ATXN7L1: variants seen among roughly 807,000 people sequenced by gnomAD.
ATXN7L1 encodes ataxin-7-like protein 1.
ATXN7L1 carries 15 observed loss-of-function variants against 70.8 expected under a neutral mutation model. That is an observed-to-expected ratio of 0.21 (90% CI 0.14 to 0.33). The LOEUF (loss-of-function observed/expected upper bound fraction) is 0.33. Ranked by LOEUF, ATXN7L1 falls within the 10% of genes least tolerant of loss-of-function variation. The pLI is 1.00. For missense variants in ATXN7L1, 975 were observed against 1,097.1 expected (o/e 0.89, Z 1.57); for synonymous variants, 440 against 445.1 (o/e 0.99, Z 0.14).
intron 3 of ATXN7L1, among the ~76,000 whole-genome samples, chr7:105,741,238 G>A (rs1040210147): frequency 2.0e-5 from 3 of 152,164 alleles, no homozygotes; most frequent in African/African-American, 7.2e-5. Context: ...AGCTCAGGGA[G>A]GGTCTTGTGT....
At chr7:105,798,880 T>A (rs1314814204) in intron 2 of ATXN7L1, among the ~76,000 whole-genome samples, 2 of 152,228 alleles carry the variant, frequency 1.3e-5, no homozygotes, top group African/African-American at 4.8e-5. Context: ...GGGTGGATGA[T>A]CAGTTGTATG....
In ATXN7L1 at chr7:105,613,452, C is replaced by T. The variant is rs79250756; in HGVS notation, c.2472+410G>A. The T allele has an allele frequency of 3.4e-5, 35 of 1,035,200 alleles. No individual in the cohort carries two copies. The East Asian group carries it at 2.4e-3, about 70-fold the overall frequency. 64.1% of individuals were successfully genotyped at this position (1,035,200 alleles called of 1,614,324 possible). A position where few individuals can be genotyped will look rare whatever the true frequency, so the allele number is the denominator to read the frequency against. On this transcript the variant is annotated intron_variant, in intron 10 of 11. Transcript: ENST00000419735. ...GCCTCAAGCTCTTCCTAAGGGGGTT[C>T]CAACAGATCAGATCAAACCTCTTAG...
At chr7:105,724,654 C>T (rs147053751) in intron 3 of ATXN7L1, among the ~76,000 whole-genome samples, 16 of 151,108 alleles carry the variant, frequency 1.1e-4, no homozygotes, top group East Asian at 1.9e-4. Context: ...TATGGGAGGC[C>T]GAGGCGGGCG....
chr7:105,635,148 C>T (rs925332437), intron 7 of ATXN7L1, among the ~76,000 whole-genome samples: 8 of 152,146 alleles, frequency 5.3e-5, no homozygotes, highest in African/African-American at 7.2e-5. Flanking sequence ...GGGGACTGTG[C>T]CCAGATTTTG....
intron 2 of ATXN7L1, among the ~76,000 whole-genome samples, chr7:105,812,875 A>C (rs1031593507): frequency 2.0e-5 from 3 of 152,090 alleles, no homozygotes; most frequent in African/African-American, 7.2e-5. Flanking sequence ...GGTGGCACAC[A>C]CCTGTGGTCC....
chr7:105,804,409 T>C (rs1237124048), intron 2 of ATXN7L1, among the ~76,000 whole-genome samples: 1 of 152,072 alleles, frequency 6.6e-6, no homozygotes, highest in Non-Finnish European at 1.5e-5. Context: ...GTTCAGAACA[T>C]GGGCTGTGTT....
chr7:105,678,441 A>G (rs1805047236), intron 3 of ATXN7L1, among the ~76,000 whole-genome samples: 1 of 152,204 alleles, frequency 6.6e-6, no homozygotes, highest in Admixed American at 6.5e-5. Context: ...CCTGTGGGCC[A>G]GTCGCCTGCG....
At chr7:105,848,331 G>A (rs1814372310) in intron 2 of ATXN7L1, among the ~76,000 whole-genome samples, 1 of 152,108 alleles carries the variant, frequency 6.6e-6, no homozygotes, top group South Asian at 2.1e-4. Context: ...TTAGCAATGA[G>A]TATCAAAAGC....
intron 2 of ATXN7L1, among the ~76,000 whole-genome samples, chr7:105,859,343 A>T (rs1351041562): frequency 6.6e-6 from 1 of 152,140 alleles, no homozygotes. Context: ...TTTAAAGGTG[A>T]AGTGTCGTGA....
chr7:105,832,686 A>G (rs999499548), intron 2 of ATXN7L1, among the ~76,000 whole-genome samples: 3 of 152,174 alleles, frequency 2.0e-5, no homozygotes, highest in African/African-American at 7.2e-5. Context: ...TGAAAGGTGA[A>G]GTTTCCACTT....
chr7:105,799,231 C>T (rs898004307), intron 2 of ATXN7L1, among the ~76,000 whole-genome samples: 9 of 152,224 alleles, frequency 5.9e-5, no homozygotes, highest in Middle Eastern at 3.2e-3. Flanking sequence ...GGGACTGCAT[C>T]GCAGCAGGCC....
chr7:105,703,471 TTAAG>T (rs1397148997), intron 3 of ATXN7L1, among the ~76,000 whole-genome samples: 1 of 152,226 alleles, frequency 6.6e-6, no homozygotes, highest in African/African-American at 2.4e-5. Context: ...TGTGGCCAGT[TTAAG>T]TTTTTCTGTT....
At chr7:105,664,575 G>GTATATATATATATATATATATATATATA (rs1554416470) in intron 4 of ATXN7L1, among the ~76,000 whole-genome samples, 1,561 of 130,132 alleles carry the variant, frequency 0.012, 30 homozygotes, top group East Asian at 0.029. Context: ...GTATGTGTGT[G>GTATATATATATATATATATATATATATA]TATATATATA....
intron 3 of ATXN7L1, among the ~76,000 whole-genome samples, chr7:105,751,258 G>A (rs770186729): frequency 6.6e-6 from 1 of 152,086 alleles, no homozygotes; most frequent in Admixed American, 6.5e-5. Context: ...TCTCAATGGA[G>A]TTATGCATAT....
intron 4 of ATXN7L1, among the ~76,000 whole-genome samples, chr7:105,658,657 A>C (rs1801080756): frequency 6.6e-6 from 1 of 150,616 alleles, no homozygotes; most frequent in African/African-American, 2.5e-5. Flanking sequence ...CAGCCTCCCG[A>C]GTAGCTGAGA....
chr7:105,682,051 C>G (rs1805618870), intron 3 of ATXN7L1, among the ~76,000 whole-genome samples: 1 of 151,868 alleles, frequency 6.6e-6, no homozygotes, highest in Admixed American at 6.6e-5. Context: ...ATGGCAAAAC[C>G]CTTTCTCTAC....
chr7:105,727,535 G>A (rs1795950514), intron 3 of ATXN7L1, among the ~76,000 whole-genome samples: 1 of 151,138 alleles, frequency 6.6e-6, no homozygotes, highest in Non-Finnish European at 1.5e-5. Context: ...CAGGCACGGT[G>A]GCACGTGCCT....
At chr7:105,771,017 T>C (rs1219593974) in intron 3 of ATXN7L1, among the ~76,000 whole-genome samples, 1 of 151,910 alleles carries the variant, frequency 6.6e-6, no homozygotes, top group East Asian at 1.9e-4. Context: ...CTGACCAACA[T>C]GGTGACATCC....
chr7:105,868,779 G>A (rs1398150532), intron 2 of ATXN7L1, among the ~76,000 whole-genome samples: 1 of 152,164 alleles, frequency 6.6e-6, no homozygotes, highest in Non-Finnish European at 1.5e-5. Flanking sequence ...ATGTGTATGT[G>A]TGTGTAATGG....
Sources: allele counts gnomAD v4.1 joint callset (sites outside exome capture counted in the v4.1 genomes callset), GRCh38; gene constraint gnomAD v4.1.1; transcripts MANE v1.5; gene names NCBI Gene and HGNC (gene_info 2026-07-23, HGNC 2026-07-21).